The following TEX11 variants were observed in gnomAD, a reference collection of about 807,000 sequenced individuals.
TEX11 encodes the protein testis-expressed protein 11.
TEX11 carries 7 observed loss-of-function variants against 84.4 expected under a neutral mutation model. The ratio of observed to expected loss-of-function variants is 0.08; its 90% CI spans 0.05 to 0.16. TEX11 has a LOEUF of 0.16. Among genes scored for constraint, TEX11 ranks in the 10% least tolerant of loss-of-function variants. The probability of loss-of-function intolerance (pLI) is 1.00; values close to 1 mark genes in which losing one functional copy is unlikely to be tolerated. For missense variants in TEX11, 551 were observed against 660.5 expected (o/e 0.83, Z 1.82); for synonymous variants, 264 against 222.8 (o/e 1.18, Z -1.64).
At chrX:70,519,622 T>C in the TEX11 span, among the ~76,000 whole-genome samples, 1 of 111,672 alleles carries the variant, frequency 9.0e-6, no homozygotes, top group Non-Finnish European at 1.9e-5. Context: ...AGTATCTTAG[T>C]GGTGTTCTCG....
chrX:70,522,893 T>C, the TEX11 span, among the ~76,000 whole-genome samples: 1 of 109,139 alleles, frequency 9.2e-6, no homozygotes, highest in Admixed American at 9.9e-5. Context: ...AAGAAGAGCA[T>C]CTGACCAAGG....
Position 70,643,858 on chromosome X carries a change from T to C in TEX11, c.1483+7592A>G, listed in dbSNP as rs755466717. Among the ~76,000 whole-genome samples the C allele has an allele frequency of 4.8e-3, 528 of 109,519 alleles. 4 individuals are homozygous for C. Among genetic ancestry groups the C allele is most frequent in the African/African-American group, 0.017 (501 of 30,120 alleles). On this transcript the variant is annotated intron_variant, in intron 17 of 29. Coordinates refer to ENST00000374333, the MANE Select transcript of TEX11 (RefSeq NM_031276.3). ...GGCATTACCATTCAGGACGTAGGCA[T>C]GGGCAAGGACTTCATGTCTAAAACA...
At chrX:70,806,984 C>T (rs1226407257) in intron 8 of TEX11, among the ~76,000 whole-genome samples, 194 bp from the exon 9 acceptor site, 1 of 112,165 alleles carries the variant, frequency 8.9e-6, no homozygotes, top group Non-Finnish European at 1.9e-5. Context: ...GCTTCCTTAT[C>T]AAAACTTCTC....
intron 9 of TEX11, among the ~76,000 whole-genome samples, chrX:70,785,622 G>GA (rs1392079503): frequency 9.0e-6 from 1 of 111,624 alleles, no homozygotes; most frequent in East Asian, 2.8e-4. Context: ...AAATTTACAA[G>GA]AAAAAATCAA....
chrX:70,850,255 T>C (rs57879581), intron 7 of TEX11, among the ~76,000 whole-genome samples: 2,259 of 112,016 alleles, frequency 0.02, 55 homozygotes, highest in African/African-American at 0.069. Flanking sequence ...TCTCCAAATA[T>C]TTTTCATATA....
At chrX:70,746,286 A>C in intron 9 of TEX11, among the ~76,000 whole-genome samples, 1 of 111,099 alleles carries the variant, frequency 9.0e-6, no homozygotes, top group Non-Finnish European at 1.9e-5. Flanking sequence ...GGCCTGTGTC[A>C]TGGAAGTGTT....
intron 2 of TEX11, among the ~76,000 whole-genome samples, chrX:70,883,399 T>C (rs1025043350): frequency 9.0e-6 from 1 of 111,100 alleles, no homozygotes; most frequent in Non-Finnish European, 1.9e-5. Context: ...CCCTGGGCAA[T>C]ATAGACAGAC....
chrX:70,606,142 T>C (rs960349306), intron 23 of TEX11, among the ~76,000 whole-genome samples: 13 of 112,385 alleles, frequency 1.2e-4, no homozygotes, highest in Non-Finnish European at 2.3e-4. Context: ...TTTCTTAATC[T>C]CCCCAAACAT....
At chrX:70,622,551 G>T (rs1289030558) in intron 20 of TEX11, among the ~76,000 whole-genome samples, 1 of 111,652 alleles carries the variant, frequency 9.0e-6, no homozygotes, top group Non-Finnish European at 1.9e-5. Flanking sequence ...TGGCAATTAT[G>T]TGTCAGATAC....
chrX:70,533,125 T>C (rs949607656), intron 28 of TEX11, among the ~76,000 whole-genome samples: 1 of 112,221 alleles, frequency 8.9e-6, no homozygotes, highest in African/African-American at 3.2e-5. Flanking sequence ...AGAACTAAAA[T>C]AGTGACAATT....
chrX:70,785,416 T>C (rs762559217), intron 9 of TEX11, among the ~76,000 whole-genome samples: 11 of 111,809 alleles, frequency 9.8e-5, no homozygotes, highest in Admixed American at 2.9e-4. Context: ...TGGCAAAGAC[T>C]TCATGACTAA....
intron 4 of TEX11, among the ~76,000 whole-genome samples, chrX:70,863,249 G>C (rs1013681545): frequency 8.9e-6 from 1 of 111,934 alleles, no homozygotes; most frequent in African/African-American, 3.2e-5. Flanking sequence ...CTCCTCAAGT[G>C]GGTCCCTGAC....
chrX:70,890,868 G>C (rs2091734040), intron 2 of TEX11, among the ~76,000 whole-genome samples: 1 of 112,415 alleles, frequency 8.9e-6, no homozygotes, highest in Non-Finnish European at 1.9e-5. Flanking sequence ...TCCCAGCACA[G>C]TGTTTGAGCT....
chrX:70,908,434 G>A (rs988468527), intron 1 of TEX11, among the ~76,000 whole-genome samples: 3 of 111,206 alleles, frequency 2.7e-5, no homozygotes, highest in Admixed American at 9.6e-5. Context: ...GCCCACCACC[G>A]CTCCCCATAC....
At chrX:70,730,349 C>G (rs2090636646) in intron 11 of TEX11, among the ~76,000 whole-genome samples, 1 of 111,881 alleles carries the variant, frequency 8.9e-6, no homozygotes, top group Non-Finnish European at 1.9e-5. Flanking sequence ...TTAAAAGACA[C>G]AGACTGGCAA....
intron 17 of TEX11, among the ~76,000 whole-genome samples, chrX:70,634,332 A>T (rs2089544429): frequency 8.9e-6 from 1 of 112,174 alleles, no homozygotes; most frequent in Non-Finnish European, 1.9e-5. Flanking sequence ...TACGAATCAA[A>T]ATTCATTTAT....
chrX:70,771,665 A>G (rs2090972850), intron 9 of TEX11, among the ~76,000 whole-genome samples: 1 of 112,721 alleles, frequency 8.9e-6, no homozygotes, highest in Middle Eastern at 4.6e-3. Context: ...TTTTATGACA[A>G]CCACAAATAA....
intron 13 of TEX11, among the ~76,000 whole-genome samples, chrX:70,713,898 A>G (rs1320165685): frequency 7.2e-5 from 8 of 111,480 alleles, no homozygotes; most frequent in African/African-American, 1.6e-4. Context: ...TGTCAATTTT[A>G]GATCTTTCCT....
intron 22 of TEX11, among the ~76,000 whole-genome samples, chrX:70,607,389 G>A (rs2089206712): frequency 9.1e-6 from 1 of 110,228 alleles, no homozygotes; most frequent in Non-Finnish European, 1.9e-5. Flanking sequence ...AGGAGTTCAG[G>A]ACCAGCCTGG....
Sources: gnomAD v4.1 joint callset for allele counts (sites outside exome capture counted in the v4.1 genomes callset) on GRCh38, gnomAD v4.1.1 for gene constraint, MANE v1.5 for transcripts, NCBI Gene and HGNC (gene_info 2026-07-23, HGNC 2026-07-21) for gene names.